The following CNTNAP2 variants were observed in gnomAD, a reference collection of about 807,000 sequenced individuals.
CNTNAP2 encodes the protein contactin-associated protein-like 2.
In CNTNAP2, 98 loss-of-function variants were observed where a neutral mutation model predicts 155.2. That is an observed-to-expected ratio of 0.63 (90% confidence interval 0.54 to 0.75). CNTNAP2 has a LOEUF of 0.75. Among genes scored for constraint, CNTNAP2 ranks in the 30% least tolerant of loss-of-function variants. The probability of loss-of-function intolerance (pLI) is 0.00; values close to 1 mark genes in which losing one functional copy is unlikely to be tolerated. For missense variants in CNTNAP2, 1,727 were observed against 1,688.1 expected (o/e 1.02, Z -0.40); for synonymous variants, 651 against 631.2 (o/e 1.03, Z -0.47).
chr7:148,229,833 C>T, intron 20 of CNTNAP2, 54 bp downstream of exon 20: 1 of 1,598,734 alleles, frequency 6.3e-7, no homozygotes, highest in Non-Finnish European at 8.5e-7. Flanking sequence ...TAGTCCCTGT[C>T]CCTATAATGC....
At chr7:146,524,199 C>T (rs1037477317) in intron 1 of CNTNAP2, among the ~76,000 whole-genome samples, 9 of 152,092 alleles carry the variant, frequency 5.9e-5, no homozygotes, top group Non-Finnish European at 1.3e-4. Flanking sequence ...AAATTCAGAG[C>T]TCTTAAAAAG....
chr7:148,171,942 C>G (rs1442252964), intron 17 of CNTNAP2, among the ~76,000 whole-genome samples: 1 of 152,184 alleles, frequency 6.6e-6, no homozygotes, highest in Non-Finnish European at 1.5e-5. Flanking sequence ...TCTGTAAACG[C>G]TTTTTCTATA....
At chr7:147,888,341 G>A (rs1010258199) in intron 13 of CNTNAP2, among the ~76,000 whole-genome samples, 2 of 152,088 alleles carry the variant, frequency 1.3e-5, no homozygotes, top group Admixed American at 6.5e-5. Flanking sequence ...ATAAATAGCA[G>A]TTTCTACCCA....
chr7:147,365,383 GAAAAA>G (rs10557373), intron 9 of CNTNAP2, among the ~76,000 whole-genome samples: 1 of 93,638 alleles, frequency 1.1e-5, no homozygotes, highest in South Asian at 4.3e-4. Flanking sequence ...ATCTCAAAAA[GAAAAA>G]AAAAAAAAAA....
At chr7:147,624,944 G>T (rs1794941415) in intron 12 of CNTNAP2, among the ~76,000 whole-genome samples, 1 of 152,170 alleles carries the variant, frequency 6.6e-6, no homozygotes, top group African/African-American at 2.4e-5. Context: ...ATGAGATACA[G>T]TCATTTGCAA....
At chr7:147,108,390 T>C in intron 5 of CNTNAP2, 40 bp downstream of exon 5, 1 of 1,529,418 alleles carries the variant, frequency 6.5e-7, no homozygotes, top group Non-Finnish European at 9.0e-7. Flanking sequence ...CCGTTATGGA[T>C]GTTCCCATTA....
In CNTNAP2 at chr7:147,266,747, C is replaced by T. The variant is rs182292227; in HGVS notation, c.1349-33394C>T. ...GGGAGTAGTTATAACCAGTTGTGTTCTTTTAATCTCTTTTATTAAGTCATT... is the reference window on the plus strand; with the variant it reads ...GGGAGTAGTTATAACCAGTTGTGTTTTTTTAATCTCTTTTATTAAGTCATT... On this transcript the variant is annotated intron_variant, in intron 8 of 23. Coordinates refer to ENST00000361727, the MANE Select transcript of CNTNAP2 (RefSeq NM_014141.6). Among the ~76,000 whole-genome samples the T allele has an allele frequency of 7.0e-3, 1,059 of 152,176 alleles. 18 individuals are homozygous for T. The highest frequency in any genetic ancestry group is 0.024 in the African/African-American group (1,007 of 41,528).
Position 148,363,938 on chromosome 7 carries a change from G to A in CNTNAP2, c.3476-19711G>A, listed in dbSNP as rs533569317. On this transcript the variant is annotated intron_variant, in intron 21 of 23. Transcript: ENST00000361727. ...AGCCCTGCTGGCCCCGGGCAATGGG[G>A]GACTTAGCACCCGGGCCAGTGGCTG... Among the ~76,000 whole-genome samples, 219 of 152,244 alleles carry A rather than the reference G, an allele frequency of 1.4e-3. 1 individual carries two copies. Among genetic ancestry groups the A allele is most frequent in the Middle Eastern group, 3.4e-3 (1 of 292 alleles).
chr7:147,061,355 C>A, intron 4 of CNTNAP2, among the ~76,000 whole-genome samples: 1 of 152,236 alleles, frequency 6.6e-6, no homozygotes, highest in South Asian at 2.1e-4. Context: ...CTTTAAATAT[C>A]ATTTTAAAAT....
chr7:146,583,652 G>A (rs1449770879), intron 1 of CNTNAP2, among the ~76,000 whole-genome samples: 1 of 152,104 alleles, frequency 6.6e-6, no homozygotes, highest in African/African-American at 2.4e-5. Flanking sequence ...AAACATTGAG[G>A]TGACAAGATT....
chr7:148,312,615 T>C, intron 21 of CNTNAP2, among the ~76,000 whole-genome samples: 1 of 152,136 alleles, frequency 6.6e-6, no homozygotes, highest in East Asian at 1.9e-4. Flanking sequence ...ACAGGGTGGA[T>C]AGGCAAAACA....
At chr7:146,815,520 A>G (rs1046932019) in intron 2 of CNTNAP2, among the ~76,000 whole-genome samples, 3 of 152,158 alleles carry the variant, frequency 2.0e-5, no homozygotes, top group African/African-American at 7.2e-5. Context: ...ACATGAATAC[A>G]TGTGAATATA....
chr7:147,748,554 G>A (rs1525262), intron 13 of CNTNAP2, among the ~76,000 whole-genome samples: 1,670 of 152,252 alleles, frequency 0.011, 95 homozygotes, highest in Admixed American at 0.087. Context: ...TTTCAGGCAC[G>A]AGTATATCCA....
intron 4 of CNTNAP2, among the ~76,000 whole-genome samples, chr7:147,101,961 A>G (rs968950733): frequency 1.3e-5 from 2 of 152,106 alleles, no homozygotes; most frequent in African/African-American, 4.8e-5. Context: ...TTGAGGGCGG[A>G]GCCTTTGCCG....
intron 15 of CNTNAP2, among the ~76,000 whole-genome samples, chr7:148,078,587 T>G (rs1803540345): frequency 6.6e-6 from 1 of 152,152 alleles, no homozygotes; most frequent in South Asian, 2.1e-4. Context: ...TTCAAACGAT[T>G]CTCCTGCCTC....
chr7:146,483,827 A>G (rs1289586535), intron 1 of CNTNAP2, among the ~76,000 whole-genome samples: 1 of 152,164 alleles, frequency 6.6e-6, no homozygotes, highest in Non-Finnish European at 1.5e-5. Context: ...AAAAGTTCAT[A>G]AAGTTACCGT....
intron 14 of CNTNAP2, among the ~76,000 whole-genome samples, chr7:147,942,992 A>G (rs1236301663): frequency 1.3e-5 from 2 of 151,940 alleles, no homozygotes; most frequent in Non-Finnish European, 2.9e-5. Context: ...AGCTGAGATC[A>G]GGCCACTGCA....
rs536347589 is a variant in CNTNAP2 at position 147,690,444 on chromosome 7, A to G, written c.2098+51138A>G. On this transcript the variant is annotated intron_variant, in intron 13 of 23. Transcript: ENST00000361727. ...CTCAGCATTACATCAATACATCATT[A>G]CCGACCAATGACTATATCTCAGACA... Among the ~76,000 whole-genome samples the G allele has an allele frequency of 2.0e-5, 3 of 152,272 alleles. No individual in the cohort carries two copies. In the South Asian group the frequency reaches 6.2e-4, roughly 32 times the overall value.
intron 14 of CNTNAP2, among the ~76,000 whole-genome samples, chr7:147,938,082 A>G (rs1170848352): frequency 6.6e-6 from 1 of 152,174 alleles, no homozygotes; most frequent in Non-Finnish European, 1.5e-5. Flanking sequence ...TTAAATTGGC[A>G]GCTAGATTTT....
Sources: gnomAD v4.1 joint callset for allele counts (sites outside exome capture counted in the v4.1 genomes callset) on GRCh38, gnomAD v4.1.1 for gene constraint, MANE v1.5 for transcripts, NCBI Gene and HGNC (gene_info 2026-07-23, HGNC 2026-07-21) for gene names.